The following FMN2 variants were observed in gnomAD, a reference collection of about 807,000 sequenced individuals.
The protein encoded by FMN2 is formin-2.
A neutral mutation model predicts 142.3 loss-of-function variants in FMN2; 51 were observed. The observed-to-expected ratio is 0.36, with a 90% CI of 0.29 to 0.45. The LOEUF (loss-of-function observed/expected upper bound fraction) is 0.45. Among genes scored for constraint, FMN2 ranks in the 20% least tolerant of loss-of-function variants. The pLI is 1.00. For missense variants in FMN2, 1,936 were observed against 2,122.8 expected (o/e 0.91, Z 1.73); for synonymous variants, 882 against 869.8 (o/e 1.01, Z -0.25).
chr1:240,386,694 C>T (rs1483610902), intron 14 of FMN2, among the ~76,000 whole-genome samples: 5 of 152,018 alleles, frequency 3.3e-5, no homozygotes, highest in African/African-American at 9.7e-5. Flanking sequence ...AATGTGGAGT[C>T]GGATATATTA....
chr1:240,424,736 T>C (rs1358835783), intron 15 of FMN2, among the ~76,000 whole-genome samples: 1 of 152,046 alleles, frequency 6.6e-6, no homozygotes, highest in Non-Finnish European at 1.5e-5. Flanking sequence ...GGAACAAAGC[T>C]CAAAAAAGTT....
intron 15 of FMN2, among the ~76,000 whole-genome samples, chr1:240,418,683 G>A (rs1188168733): frequency 5.3e-5 from 8 of 152,180 alleles, no homozygotes; most frequent in Non-Finnish European, 7.3e-5. Flanking sequence ...GATGGCCAAC[G>A]TGTATAAGTA....
chr1:240,176,583 T>G (rs1478972331), intron 2 of FMN2, among the ~76,000 whole-genome samples: 1 of 152,232 alleles, frequency 6.6e-6, no homozygotes, highest in African/African-American at 2.4e-5. Flanking sequence ...TTCTCTGATG[T>G]TGTACTCAAT....
chr1:240,292,359 A>G (rs1349984530), intron 7 of FMN2, among the ~76,000 whole-genome samples: 1 of 152,234 alleles, frequency 6.6e-6, no homozygotes, highest in Non-Finnish European at 1.5e-5. Context: ...AGTCATTCTT[A>G]GCATGATCTA....
At chr1:240,349,284 A>G (rs1441155613) in intron 13 of FMN2, among the ~76,000 whole-genome samples, 1 of 152,204 alleles carries the variant, frequency 6.6e-6, no homozygotes, top group African/African-American at 2.4e-5. Context: ...TTACGTGGGA[A>G]ACAGTTGGAT....
At chr1:240,241,180 T>A (rs1229389529) in intron 6 of FMN2, among the ~76,000 whole-genome samples, 1 of 152,056 alleles carries the variant, frequency 6.6e-6, no homozygotes, top group African/African-American at 2.4e-5. Context: ...CCATTTTGTT[T>A]CTTCATCGGT....
chr1:240,131,183 A>C (rs1662720023), intron 2 of FMN2, among the ~76,000 whole-genome samples: 1 of 152,198 alleles, frequency 6.6e-6, no homozygotes, highest in African/African-American at 2.4e-5. Context: ...GTGAGAGGAA[A>C]GTATGGATAC....
intron 2 of FMN2, among the ~76,000 whole-genome samples, chr1:240,160,378 A>G (rs1664228653): frequency 6.6e-6 from 1 of 151,588 alleles, no homozygotes; most frequent in Admixed American, 6.6e-5. Flanking sequence ...ATGACATATC[A>G]AAACCAGGTT....
At chr1:240,426,658 G>A (rs1674944030) in intron 15 of FMN2, among the ~76,000 whole-genome samples, 1 of 151,946 alleles carries the variant, frequency 6.6e-6, no homozygotes, top group African/African-American at 2.4e-5. Flanking sequence ...CTCCCATATT[G>A]TTTTTGAAGG....
chr1:240,114,035 C>T (rs1661922752), intron 1 of FMN2, among the ~76,000 whole-genome samples: 1 of 152,172 alleles, frequency 6.6e-6, no homozygotes, highest in South Asian at 2.1e-4. Context: ...CAGAGAATTA[C>T]AATGAATTCC....
At chr1:240,269,311 C>T (rs1572137639) in intron 7 of FMN2, among the ~76,000 whole-genome samples, 1 of 152,118 alleles carries the variant, frequency 6.6e-6, no homozygotes, top group East Asian at 1.9e-4. Context: ...GTCCTTTCCC[C>T]ATTCTGTGTT....
At chr1:240,390,358 G>T (rs1673564470) in intron 14 of FMN2, among the ~76,000 whole-genome samples, 1 of 152,054 alleles carries the variant, frequency 6.6e-6, no homozygotes, top group Non-Finnish European at 1.5e-5. Context: ...TTGTTCCCTC[G>T]ATAAGAATCA....
chr1:240,472,576 T>C (rs1676846853), intron 17 of FMN2, 123 bp downstream of exon 17: 1 of 597,454 alleles, frequency 1.7e-6, no homozygotes, highest in South Asian at 2.6e-5. Context: ...AAGGAGCTTC[T>C]GACTTCAAGA....
At chr1:240,298,197 A>G (rs1028981384) in intron 8 of FMN2, among the ~76,000 whole-genome samples, 8 of 152,180 alleles carry the variant, frequency 5.3e-5, no homozygotes, top group Non-Finnish European at 1.0e-4. Context: ...CAGGAAAACA[A>G]TTATTTTGTG....
chr1:240,283,501 A>G (rs1481399490), intron 7 of FMN2, among the ~76,000 whole-genome samples: 1 of 152,116 alleles, frequency 6.6e-6, no homozygotes, highest in Admixed American at 6.6e-5. Context: ...TCTTAAGGTT[A>G]CCTATTATGA....
At chr1:240,411,140 G>A (rs567283584) in intron 15 of FMN2, among the ~76,000 whole-genome samples, 5 of 152,208 alleles carry the variant, frequency 3.3e-5, no homozygotes, top group East Asian at 1.9e-4. Flanking sequence ...TTTCAGACAC[G>A]CAAGTTCTCA....
At chr1:240,198,515 A>G (rs2103366868) in intron 4 of FMN2, among the ~76,000 whole-genome samples, 1 of 152,280 alleles carries the variant, frequency 6.6e-6, no homozygotes, top group African/African-American at 2.4e-5. Context: ...ATAATTCATC[A>G]TGTATTTTAT....
chr1:240,250,349 A>T (rs899553168), intron 6 of FMN2, among the ~76,000 whole-genome samples: 1 of 152,146 alleles, frequency 6.6e-6, no homozygotes, highest in African/African-American at 2.4e-5. Flanking sequence ...TGAGATGATC[A>T]TATGGCTTTT....
intron 13 of FMN2, among the ~76,000 whole-genome samples, chr1:240,350,830 GT>G (rs2103040044): frequency 6.6e-6 from 1 of 152,324 alleles, no homozygotes; most frequent in East Asian, 1.9e-4. Flanking sequence ...TTCAAAACTG[GT>G]CATTAAGTGG....
Sources: allele counts gnomAD v4.1 joint callset (sites outside exome capture counted in the v4.1 genomes callset), GRCh38; gene constraint gnomAD v4.1.1; transcripts MANE v1.5; gene names NCBI Gene and HGNC (gene_info 2026-07-23, HGNC 2026-07-21).